Variants in SEMA3D observed in about 807,000 individuals in gnomAD.
SEMA3D encodes semaphorin-3D.
Under a neutral mutation model 100.1 loss-of-function variants are expected in SEMA3D, and 84 were observed. The ratio of observed to expected loss-of-function variants is 0.84; its 90% CI spans 0.70 to 1.01. SEMA3D has a LOEUF of 1.01. SEMA3D is among the 50% of genes least tolerant of loss of function. The pLI, the probability that SEMA3D is intolerant of heterozygous loss-of-function variation, is 0.00. For missense variants in SEMA3D, 875 were observed against 934.1 expected (o/e 0.94, Z 0.82); for synonymous variants, 312 against 320.7 (o/e 0.97, Z 0.29).
At chr7:85,061,926 A>G (rs1299585008) in intron 8 of SEMA3D, among the ~76,000 whole-genome samples, 1 of 152,036 alleles carries the variant, frequency 6.6e-6, no homozygotes, top group Non-Finnish European at 1.5e-5. Flanking sequence ...GCGGAACTCC[A>G]TCTTCTCTAT....
chr7:85,052,552 C>T (rs1791196490), intron 9 of SEMA3D, among the ~76,000 whole-genome samples: 1 of 152,010 alleles, frequency 6.6e-6, no homozygotes, highest in Non-Finnish European at 1.5e-5. Context: ...TGCCTGGCCT[C>T]CATTCCTTAG....
the SEMA3D span, among the ~76,000 whole-genome samples, chr7:85,238,588 A>G: frequency 6.6e-6 from 1 of 152,144 alleles, no homozygotes; most frequent in Non-Finnish European, 1.5e-5. Flanking sequence ...CACTGTCACT[A>G]TTACTGGAGC....
In SEMA3D at chr7:85,141,492, T is replaced by C. The variant is rs777326258; in HGVS notation, c.-41+12116A>G. ...CACTGGAAGAAGGACATGATGCATG[T>C]CCTCCCTAGCACAGGATCACTGCCC... On this transcript the variant is annotated intron_variant, in intron 2 of 18. Transcript: ENST00000284136. The C allele has an allele frequency of 1.4e-4, 141 of 985,048 alleles. No homozygotes were observed. The Admixed American group carries it at 2.2e-3, about 15-fold the overall frequency. 61.0% of individuals were successfully genotyped at this position (985,048 alleles called of 1,614,324 possible).
the SEMA3D span, among the ~76,000 whole-genome samples, chr7:85,215,449 A>T: frequency 1.3e-5 from 2 of 152,120 alleles, no homozygotes; most frequent in Non-Finnish European, 2.9e-5. Flanking sequence ...TCTGATTTCA[A>T]GTCATTTGTA....
rs146790449 is a variant in SEMA3D, at chr7:85,038,223, C to A, written c.1047-1190G>T. On this transcript the variant is annotated intron_variant, in intron 11 of 18. Transcript: ENST00000284136. ...AAAAATAATAATAATAATAACTTAG[C>A]ATTAACAAATAAGCTAATGATTCTC... 9.2e-5 allele frequency among the ~76,000 whole-genome samples: 14 copies of A among 152,082 alleles called. No homozygotes were observed. In the East Asian group the frequency reaches 2.7e-3, roughly 29 times the overall value.
At chr7:85,218,518 AT>A in the SEMA3D span, among the ~76,000 whole-genome samples, 7 of 152,082 alleles carry the variant, frequency 4.6e-5, no homozygotes, top group African/African-American at 1.7e-4. Context: ...TGAGATTATA[AT>A]TGACTTTACA....
chr7:85,104,776 AT>A (rs1303123947), intron 3 of SEMA3D, among the ~76,000 whole-genome samples: 3 of 151,850 alleles, frequency 2.0e-5, no homozygotes, highest in Non-Finnish European at 4.4e-5. Flanking sequence ...GACTACATAG[AT>A]TAAAAAAAAA....
At chr7:85,199,087 T>C in the SEMA3D span, among the ~76,000 whole-genome samples, 1 of 152,052 alleles carries the variant, frequency 6.6e-6, no homozygotes, top group African/African-American at 2.4e-5. Flanking sequence ...TAAAGAGACA[T>C]CATTATTATT....
chr7:85,167,466 T>C, intron 1 of SEMA3D: 1 of 761,806 alleles, frequency 1.3e-6, no homozygotes, highest in East Asian at 1.3e-4. Context: ...ATGTTGGACG[T>C]CTATTTGTGG....
chr7:85,009,576 A>ACTT (rs1215692714), intron 17 of SEMA3D, among the ~76,000 whole-genome samples: 4 of 132,720 alleles, frequency 3.0e-5, no homozygotes, highest in Non-Finnish European at 6.5e-5. Context: ...GGTGTCAATC[A>ACTT]CTTTTATTTA....
At chr7:85,065,693 T>G in intron 7 of SEMA3D, 141 bp from the exon 8 acceptor site, 1 of 650,878 alleles carries the variant, frequency 1.5e-6, no homozygotes, top group Non-Finnish European at 2.5e-6. Context: ...TTCACAGATT[T>G]TGAAAATTTA....
At chr7:85,245,480 G>T in the SEMA3D span, among the ~76,000 whole-genome samples, 2 of 152,040 alleles carry the variant, frequency 1.3e-5, no homozygotes, top group Non-Finnish European at 2.9e-5. Context: ...TATAATGTTC[G>T]ACTTTCTCAA....
At chr7:85,087,901 T>C (rs1788273178) in intron 4 of SEMA3D, among the ~76,000 whole-genome samples, 1 of 152,164 alleles carries the variant, frequency 6.6e-6, no homozygotes, top group Non-Finnish European at 1.5e-5. Flanking sequence ...GACCATATTA[T>C]TGAAATAAAA....
intron 12 of SEMA3D, 39 bp from the exon 13 acceptor site, chr7:85,022,652 T>C: frequency 1.5e-6 from 2 of 1,331,798 alleles, no homozygotes; most frequent in Non-Finnish European, 2.2e-6. Context: ...ACATTGTTTA[T>C]GCACCTGAGA....
the SEMA3D span, among the ~76,000 whole-genome samples, chr7:85,209,289 T>C: frequency 6.6e-5 from 10 of 151,936 alleles, no homozygotes; most frequent in South Asian, 2.1e-4. Context: ...TGTGTATATA[T>C]ATGTATATGT....
At chr7:85,068,973 T>C (rs1180167612) in intron 6 of SEMA3D, among the ~76,000 whole-genome samples, 1 of 152,060 alleles carries the variant, frequency 6.6e-6, no homozygotes, top group Non-Finnish European at 1.5e-5. Context: ...TTTGGGAAAA[T>C]AAATAACATC....
the SEMA3D span, among the ~76,000 whole-genome samples, chr7:85,204,681 A>G: frequency 1.3e-5 from 2 of 152,104 alleles, no homozygotes; most frequent in Admixed American, 1.3e-4. Flanking sequence ...AGCTGAGGGT[A>G]CTGAATAGAG....
intron 16 of SEMA3D, among the ~76,000 whole-genome samples, chr7:85,014,260 A>G (rs1398931795): frequency 2.0e-5 from 3 of 151,820 alleles, no homozygotes; most frequent in African/African-American, 7.2e-5. Flanking sequence ...CCTAGAGGAA[A>G]ATATACTTCG....
intron 5 of SEMA3D, among the ~76,000 whole-genome samples, chr7:85,077,531 T>C (rs1787908873): frequency 6.6e-6 from 1 of 152,130 alleles, no homozygotes; most frequent in Non-Finnish European, 1.5e-5. Flanking sequence ...GCCGCAGGGA[T>C]ATGCTATTTA....
Sources: gnomAD v4.1 joint callset for allele counts (sites outside exome capture counted in the v4.1 genomes callset) on GRCh38, gnomAD v4.1.1 for gene constraint, MANE v1.5 for transcripts, NCBI Gene and HGNC (gene_info 2026-07-23, HGNC 2026-07-21) for gene names.